The following CNTN5 variants were observed in gnomAD, a reference collection of about 807,000 sequenced individuals.
CNTN5 encodes the protein contactin 5.
In CNTN5, 77 loss-of-function variants were observed where a neutral mutation model predicts 129.1. The observed-to-expected ratio is 0.60, with a 90% CI of 0.50 to 0.72. The LOEUF is 0.72. Ranked by LOEUF, CNTN5 falls within the 30% of genes least tolerant of loss-of-function variation. The pLI is 0.00. For missense variants in CNTN5, 1,478 were observed against 1,328.8 expected (o/e 1.11, Z -1.75); for synonymous variants, 509 against 465.6 (o/e 1.09, Z -1.20).
intron 2 of CNTN5, among the ~76,000 whole-genome samples, chr11:99,365,363 C>A (rs924576660): frequency 6.6e-6 from 1 of 152,150 alleles, no homozygotes; most frequent in Non-Finnish European, 1.5e-5. Context: ...AGAGTCTTTC[C>A]AACTTCATAC....
intron 3 of CNTN5, among the ~76,000 whole-genome samples, chr11:99,748,958 A>T (rs562161344): frequency 6.6e-6 from 1 of 152,206 alleles, no homozygotes; most frequent in African/African-American, 2.4e-5. Context: ...TAAATTTACC[A>T]TCACAGTCTC....
intron 8 of CNTN5, among the ~76,000 whole-genome samples, chr11:99,960,709 G>C (rs1950919684): frequency 1.3e-5 from 2 of 152,150 alleles, no homozygotes; most frequent in South Asian, 4.1e-4. Context: ...TGTTCAGAAA[G>C]GAACATGAGT....
At chr11:99,496,177 A>G (rs1484317572) in intron 2 of CNTN5, among the ~76,000 whole-genome samples, 1 of 152,182 alleles carries the variant, frequency 6.6e-6, no homozygotes, top group Non-Finnish European at 1.5e-5. Context: ...TCATGCATCT[A>G]TTTTTGATAG....
At chr11:99,153,682 G>A (rs565348938) in intron 1 of CNTN5, among the ~76,000 whole-genome samples, 25 of 152,028 alleles carry the variant, frequency 1.6e-4, no homozygotes, top group African/African-American at 5.5e-4. Context: ...GCTATTTCTG[G>A]GGTATGAGTG....
chr11:99,242,026 C>T (rs1182093474), intron 1 of CNTN5, among the ~76,000 whole-genome samples: 1 of 151,888 alleles, frequency 6.6e-6, no homozygotes, highest in Non-Finnish European at 1.5e-5. Flanking sequence ...CTATAGTAAA[C>T]CACAAAAAAT....
At chr11:99,766,085 C>G (rs1474653003) in intron 3 of CNTN5, among the ~76,000 whole-genome samples, 1 of 151,864 alleles carries the variant, frequency 6.6e-6, no homozygotes, top group African/African-American at 2.4e-5. Flanking sequence ...ATCGTACTTC[C>G]TACTGACACA....
chr11:99,318,232 C>T (rs1447301481), intron 1 of CNTN5, among the ~76,000 whole-genome samples: 1 of 152,066 alleles, frequency 6.6e-6, no homozygotes, highest in Non-Finnish European at 1.5e-5. Flanking sequence ...TAATTAAGCA[C>T]AATTCAATCA....
chr11:99,498,503 T>G (rs1306388726), intron 2 of CNTN5, among the ~76,000 whole-genome samples: 1 of 152,210 alleles, frequency 6.6e-6, no homozygotes, highest in African/African-American at 2.4e-5. Flanking sequence ...TTCCTCCATT[T>G]TCCTCTCCCT....
intron 1 of CNTN5, among the ~76,000 whole-genome samples, chr11:99,222,723 C>T (rs932789051): frequency 1.3e-5 from 2 of 151,964 alleles, no homozygotes; most frequent in African/African-American, 4.8e-5. Context: ...TAATTTGAAT[C>T]GTAATGCAGG....
chr11:99,923,701 A>C (rs1949989784), intron 7 of CNTN5, among the ~76,000 whole-genome samples: 1 of 152,088 alleles, frequency 6.6e-6, no homozygotes, highest in Non-Finnish European at 1.5e-5. Context: ...AAAATGTAGA[A>C]GTATTCCCTT....
intron 1 of CNTN5, among the ~76,000 whole-genome samples, chr11:99,075,465 T>A (rs1476758017): frequency 6.6e-6 from 1 of 152,178 alleles, no homozygotes; most frequent in Non-Finnish European, 1.5e-5. Flanking sequence ...GGTCATCATC[T>A]AAACTTTGAA....
At chr11:100,091,261 A>G (rs1057144120) in intron 13 of CNTN5, among the ~76,000 whole-genome samples, 1 of 151,136 alleles carries the variant, frequency 6.6e-6, no homozygotes, top group African/African-American at 2.4e-5. Flanking sequence ...GTCTCCTGAA[A>G]TCTAGGTCTC....
chr11:100,260,898 C>A (rs1214825867), intron 17 of CNTN5, among the ~76,000 whole-genome samples: 1 of 152,084 alleles, frequency 6.6e-6, no homozygotes, highest in African/African-American at 2.4e-5. Flanking sequence ...GACAAGGATG[C>A]CCTCCATCAC....
chr11:99,029,481 G>GA (rs1863260926), intron 1 of CNTN5, among the ~76,000 whole-genome samples: 1 of 151,972 alleles, frequency 6.6e-6, no homozygotes, highest in East Asian at 1.9e-4. Context: ...GAAACTTAAG[G>GA]AAAAAATACC....
chr11:99,281,790 GT>G (rs1565459821), intron 1 of CNTN5, among the ~76,000 whole-genome samples: 1 of 151,866 alleles, frequency 6.6e-6, no homozygotes, highest in African/African-American at 2.4e-5. Context: ...ATTTTGAAGT[GT>G]TTTATTATTA....
At chr11:99,387,492 T>C (rs1591610152) in intron 2 of CNTN5, among the ~76,000 whole-genome samples, 1 of 152,292 alleles carries the variant, frequency 6.6e-6, no homozygotes, top group African/African-American at 2.4e-5. Context: ...TTAAATGATT[T>C]CAAACCATTT....
chr11:99,824,218 C>G (rs902877643), intron 4 of CNTN5, among the ~76,000 whole-genome samples: 2 of 151,924 alleles, frequency 1.3e-5, no homozygotes, highest in African/African-American at 4.8e-5. Flanking sequence ...AAATTGCTTT[C>G]CAAAGTGATT....
intron 6 of CNTN5, among the ~76,000 whole-genome samples, chr11:99,859,329 T>C (rs1204107377): frequency 6.6e-6 from 1 of 152,208 alleles, no homozygotes; most frequent in Non-Finnish European, 1.5e-5. Context: ...TAGGCCATCC[T>C]TTTTTATTTT....
chr11:100,046,043 G>T (rs1194638990), intron 9 of CNTN5, among the ~76,000 whole-genome samples: 1 of 150,554 alleles, frequency 6.6e-6, no homozygotes, highest in Admixed American at 6.7e-5. Context: ...GGCCATGCTG[G>T]TGTGCTGCAC....
Sources: gnomAD v4.1 joint callset for allele counts (sites outside exome capture counted in the v4.1 genomes callset) on GRCh38, gnomAD v4.1.1 for gene constraint, MANE v1.5 for transcripts, NCBI Gene and HGNC (gene_info 2026-07-23, HGNC 2026-07-21) for gene names.